RBFOX1: variants seen among roughly 807,000 people sequenced by gnomAD.
RBFOX1 encodes RNA binding protein fox-1 homolog 1.
Under a neutral mutation model 57.7 loss-of-function variants are expected in RBFOX1, and 8 were observed. The observed-to-expected ratio is 0.14, with a 90% CI of 0.08 to 0.25. RBFOX1 has a LOEUF of 0.25. Among genes scored for constraint, RBFOX1 ranks in the 10% least tolerant of loss-of-function variants. The pLI is 1.00. For synonymous variants in RBFOX1, 326 were observed against 222.4 expected (o/e 1.47, Z -4.15); for missense variants, 611 against 548.5 (o/e 1.11, Z -1.14).
intron 3 of RBFOX1, among the ~76,000 whole-genome samples, chr16:5,692,211 G>GTGTT (rs2050709770): frequency 1.5e-5 from 2 of 132,622 alleles, no homozygotes; most frequent in Non-Finnish European, 3.2e-5. Flanking sequence ...GTGTGTGTGT[G>GTGTT]TGTTTGTGTT....
intron 5 of RBFOX1, among the ~76,000 whole-genome samples, chr16:7,546,831 C>T (rs1022284083): frequency 6.6e-6 from 1 of 152,152 alleles, no homozygotes; most frequent in Non-Finnish European, 1.5e-5. Context: ...TTCACTGTGA[C>T]AAATATCACC....
At chr16:6,492,968 TAA>T (rs1174270669) in intron 2 of RBFOX1, among the ~76,000 whole-genome samples, 1 of 152,222 alleles carries the variant, frequency 6.6e-6, no homozygotes, top group African/African-American at 2.4e-5. Flanking sequence ...GCAGTATGAC[TAA>T]GAGAGGGGCA....
rs140671981 is a variant in RBFOX1 at position 6,850,174 on chromosome 16, C to T, written c.-16+195524C>T. 6.2e-4 allele frequency among the ~76,000 whole-genome samples: 94 copies of T among 152,180 alleles called. 2 individuals carry two copies. The East Asian group carries it at 0.016, about 26-fold the overall frequency. ...GGTTCCTTTCCCTTTATCATTTAGT[C>T]CTTCATTCAGTGAATTCAGTTGTTC... On this transcript the variant is annotated intron_variant, in intron 3 of 15. Transcript: ENST00000550418.
At chr16:6,570,550 T>A (rs545629382) in intron 2 of RBFOX1, among the ~76,000 whole-genome samples, 1 of 152,340 alleles carries the variant, frequency 6.6e-6, no homozygotes, top group South Asian at 2.1e-4. Context: ...TATACATGTA[T>A]GCTTAATTGG....
intron 1 of RBFOX1, among the ~76,000 whole-genome samples, chr16:6,080,607 A>G (rs868690069): frequency 1.4e-4 from 22 of 152,226 alleles, no homozygotes; most frequent in Non-Finnish European, 1.9e-4. Context: ...ATCAAATGAC[A>G]CATAGCACCA....
At chr16:5,454,178 G>T (rs1169574305) in intron 1 of RBFOX1, among the ~76,000 whole-genome samples, 1 of 152,186 alleles carries the variant, frequency 6.6e-6, no homozygotes, top group Non-Finnish European at 1.5e-5. Context: ...CTCACTGAGA[G>T]AACAGGCACT....
At chr16:6,590,283 C>G (rs778316301) in intron 2 of RBFOX1, among the ~76,000 whole-genome samples, 2 of 152,156 alleles carry the variant, frequency 1.3e-5, no homozygotes, top group Non-Finnish European at 2.9e-5. Context: ...CTCCCCATTT[C>G]AGACTAAGAA....
At chr16:6,535,217 A>C (rs1399990706) in intron 2 of RBFOX1, among the ~76,000 whole-genome samples, 1 of 152,186 alleles carries the variant, frequency 6.6e-6, no homozygotes. Context: ...CCTCTGTTCT[A>C]AGCCAACTGG....
intron 1 of RBFOX1, among the ~76,000 whole-genome samples, chr16:6,260,856 G>A (rs2152632409): frequency 6.6e-6 from 1 of 152,110 alleles, no homozygotes; most frequent in Non-Finnish European, 1.5e-5. Context: ...CTTCCAGCCT[G>A]GGCAACAGTG....
chr16:6,827,422 G>T (rs1216857471), intron 3 of RBFOX1, among the ~76,000 whole-genome samples: 1 of 151,742 alleles, frequency 6.6e-6, no homozygotes, highest in Non-Finnish European at 1.5e-5. Context: ...AGGGAAGGAA[G>T]AGAAGTTTGG....
intron 4 of RBFOX1, among the ~76,000 whole-genome samples, chr16:7,287,775 G>A (rs2095679192): frequency 6.6e-6 from 1 of 152,072 alleles, no homozygotes; most frequent in Admixed American, 6.6e-5. Context: ...ATTTAGAAGT[G>A]GAGAACACAA....
intron 1 of RBFOX1, among the ~76,000 whole-genome samples, chr16:6,035,251 C>T (rs1420538222): frequency 6.6e-6 from 1 of 152,190 alleles, no homozygotes; most frequent in East Asian, 1.9e-4. Flanking sequence ...ACACCAGAGA[C>T]ATGTATTTGA....
rs557449829 is a variant in RBFOX1, at chr16:6,610,809, G to A, written c.-63-43794G>A. ...TTCACATCCCCTGCTTTGAGAAGTA[G>A]AAATAAAAATGTTCTGGGCATACAT... On this transcript the variant is annotated intron_variant, in intron 2 of 15. Coordinates refer to ENST00000550418, the MANE Select transcript of RBFOX1 (RefSeq NM_018723.4). Among the ~76,000 whole-genome samples, 26 of 152,250 alleles carry A rather than the reference G, an allele frequency of 1.7e-4. No individual in the cohort carries two copies. In the East Asian group the frequency reaches 5.0e-3, roughly 29 times the overall value.
intron 1 of RBFOX1, among the ~76,000 whole-genome samples, chr16:6,093,424 A>G (rs1219120231): frequency 1.3e-5 from 2 of 152,116 alleles, no homozygotes; most frequent in Non-Finnish European, 2.9e-5. Flanking sequence ...TAATAATAAT[A>G]AAATCATAGT....
intron 3 of RBFOX1, among the ~76,000 whole-genome samples, chr16:6,667,706 A>G (rs1256135918): frequency 6.6e-6 from 1 of 152,102 alleles, no homozygotes; most frequent in Middle Eastern, 3.4e-3. Flanking sequence ...CATATACCCT[A>G]TTTCTGCAAA....
At chr16:6,770,263 C>G (rs61404224) in intron 3 of RBFOX1, among the ~76,000 whole-genome samples, 13,362 of 152,160 alleles carry the variant, frequency 0.088, 630 homozygotes, top group Admixed American at 0.13. Context: ...TCTCCACAGG[C>G]TCCTCATTTT....
At chr16:6,407,333 T>A (rs945278751) in intron 2 of RBFOX1, among the ~76,000 whole-genome samples, 1 of 152,156 alleles carries the variant, frequency 6.6e-6, no homozygotes, top group Non-Finnish European at 1.5e-5. Context: ...TGTAATCCAT[T>A]TCTATCTCTA....
chr16:6,975,361 G>T (rs1276285451), intron 3 of RBFOX1, among the ~76,000 whole-genome samples: 1 of 152,088 alleles, frequency 6.6e-6, no homozygotes, highest in East Asian at 1.9e-4. Context: ...CGACTCCTGG[G>T]TTCAAGCGAT....
intron 4 of RBFOX1, among the ~76,000 whole-genome samples, chr16:7,108,577 T>A (rs900477812): frequency 6.6e-6 from 1 of 152,168 alleles, no homozygotes. Flanking sequence ...TGTTTGTGTT[T>A]GCGTATGGTT....
Sources: allele counts gnomAD v4.1 joint callset (sites outside exome capture counted in the v4.1 genomes callset), GRCh38; gene constraint gnomAD v4.1.1; transcripts MANE v1.5; gene names NCBI Gene and HGNC (gene_info 2026-07-23, HGNC 2026-07-21).